MAMLD1: variants seen among roughly 807,000 people sequenced by gnomAD.
MAMLD1 encodes the protein mastermind-like domain-containing protein 1.
A neutral mutation model predicts 45.0 loss-of-function variants in MAMLD1; 14 were observed. The ratio of observed to expected loss-of-function variants is 0.31; its 90% CI spans 0.21 to 0.49. The LOEUF (loss-of-function observed/expected upper bound fraction) is 0.49, where lower values mean the gene tolerates loss of function less well. Among genes scored for constraint, MAMLD1 ranks in the 20% least tolerant of loss-of-function variants. MAMLD1 has a pLI of 0.99. For missense variants in MAMLD1, 543 were observed against 603.6 expected, an observed-to-expected ratio of 0.90 and a Z score of 1.05; for synonymous variants, 254 against 247.8, an observed-to-expected ratio of 1.02 and a Z score of -0.24.
intron 2 of MAMLD1, among the ~76,000 whole-genome samples, chrX:150,447,147 C>T (rs1036118034): frequency 2.2e-4 from 25 of 112,641 alleles, no homozygotes; most frequent in African/African-American, 8.1e-4. Context: ...TCATTGCTTA[C>T]GTCATTTCCA....
chrX:150,452,073 G>A (rs2035683572), intron 2 of MAMLD1, among the ~76,000 whole-genome samples: 2 of 112,054 alleles, frequency 1.8e-5, no homozygotes, highest in African/African-American at 6.5e-5. Context: ...TAAATGCTCA[G>A]TAAGATGCAG....
intron 1 of MAMLD1, among the ~76,000 whole-genome samples, chrX:150,429,768 C>T (rs1557403956): frequency 9.0e-6 from 1 of 110,677 alleles, no homozygotes; most frequent in Non-Finnish European, 1.9e-5. Flanking sequence ...CTGATTTCCA[C>T]CAGCAGTAAA....
intron 1 of MAMLD1, among the ~76,000 whole-genome samples, chrX:150,375,409 C>T (rs782031919): frequency 8.9e-6 from 1 of 112,484 alleles, no homozygotes; most frequent in African/African-American, 3.2e-5. Context: ...TTGGAAAGCC[C>T]TTTGAACCCT....
chrX:150,485,513 A>G (rs2036958155), intron 5 of MAMLD1, among the ~76,000 whole-genome samples: 1 of 111,611 alleles, frequency 9.0e-6, no homozygotes, highest in Non-Finnish European at 1.9e-5. Context: ...TGATGCCAAT[A>G]ATTGCTTTTA....
chrX:150,393,474 G>T (rs782090639), intron 1 of MAMLD1, among the ~76,000 whole-genome samples: 1 of 112,166 alleles, frequency 8.9e-6, no homozygotes, highest in South Asian at 3.7e-4. Flanking sequence ...GAGCATGATT[G>T]TCAGATCATA....
upstream of MAMLD1, among the ~76,000 whole-genome samples, chrX:150,362,431 C>CCTCCT (rs781903483): frequency 3.2e-3 from 345 of 108,675 alleles, 1 homozygote; most frequent in African/African-American, 5.9e-3. Context: ...CTCCTTATTT[C>CCTCCT]CTCCTCTCCT....
intron 1 of MAMLD1, among the ~76,000 whole-genome samples, chrX:150,429,887 G>T (rs955391135): frequency 1.8e-5 from 2 of 110,238 alleles, no homozygotes; most frequent in South Asian, 7.6e-4. Flanking sequence ...GTTTTAAATT[G>T]CATTTCCCTA....
rs1200788824 is a variant in MAMLD1, at chrX:150,487,054, GC to G, written c.2040+13255del. Among the ~76,000 whole-genome samples, 8 of 111,896 alleles carry G rather than the reference GC, an allele frequency of 7.1e-5. No homozygotes were observed. The East Asian group carries it at 2.3e-3, about 32-fold the overall frequency. On this transcript the variant is annotated intron_variant, in intron 5 of 7. Coordinates refer to ENST00000370401, the MANE Select transcript of MAMLD1 (RefSeq NM_005491.5). ...TTCTGACTCCACAGATACAGGTGGG[GC>G]CCTGGAATTTGCATTTGTAATAGAT...
intron 1 of MAMLD1, among the ~76,000 whole-genome samples, chrX:150,377,819 T>TCACACACACACACA (rs3066915): frequency 1.6e-4 from 15 of 91,834 alleles, no homozygotes; most frequent in African/African-American, 5.6e-4. Flanking sequence ...TACCACCCCC[T>TCACACACACACACA]CACACACACA....
chrX:150,407,434 A>G (rs2034026091), intron 1 of MAMLD1, among the ~76,000 whole-genome samples: 1 of 112,662 alleles, frequency 8.9e-6, no homozygotes, highest in South Asian at 3.7e-4. Flanking sequence ...CTGAATTTCA[A>G]TTAGAGGTTA....
At chrX:150,478,106 A>G (rs781889655) in intron 5 of MAMLD1, among the ~76,000 whole-genome samples, 12 of 112,452 alleles carry the variant, frequency 1.1e-4, no homozygotes, top group Middle Eastern at 4.6e-3. Context: ...TCAGTAGGGC[A>G]TAACCTTTAA....
At chrX:150,363,120 G>C (rs947106741), upstream of MAMLD1, among the ~76,000 whole-genome samples, 151 of 113,006 alleles carry the variant, frequency 1.3e-3, no homozygotes, top group Non-Finnish European at 2.2e-3. Flanking sequence ...CGGGGTCGCG[G>C]GCAGGGCAGC....
At chrX:150,442,715 A>T (rs1316770331) in intron 1 of MAMLD1, among the ~76,000 whole-genome samples, 3 of 111,847 alleles carry the variant, frequency 2.7e-5, no homozygotes, top group African/African-American at 9.7e-5. Context: ...AAAGTCCATT[A>T]TATTTACCCA....
intron 7 of MAMLD1, 66 bp from the exon 8 acceptor site, chrX:150,511,938 G>T: frequency 3.0e-6 from 3 of 991,058 alleles, no homozygotes; most frequent in Non-Finnish European, 3.9e-6. Flanking sequence ...GCTACCCTCC[G>T]GTGGCCACAG....
chrX:150,497,115 C>T (rs1414769311), intron 5 of MAMLD1, among the ~76,000 whole-genome samples: 3 of 111,693 alleles, frequency 2.7e-5, no homozygotes, highest in African/African-American at 9.8e-5. Context: ...GGAGGAAAAA[C>T]TCCAGGAAAG....
intron 2 of MAMLD1, among the ~76,000 whole-genome samples, chrX:150,462,524 C>T (rs1364911278): frequency 1.8e-5 from 2 of 112,141 alleles, no homozygotes; most frequent in African/African-American, 6.5e-5. Flanking sequence ...TGTAGGCCGC[C>T]TTTCTCGATC....
At chrX:150,425,040 C>A (rs1053004842) in intron 1 of MAMLD1, among the ~76,000 whole-genome samples, 30 of 111,987 alleles carry the variant, frequency 2.7e-4, no homozygotes, top group African/African-American at 9.7e-4. Context: ...GATGTTTAAA[C>A]GGTTCATCCA....
At chrX:150,504,199 A>T in intron 6 of MAMLD1, 1 of 754,053 alleles carries the variant, frequency 1.3e-6, no homozygotes, top group Non-Finnish European at 1.6e-6. Flanking sequence ...GAGTCGCATC[A>T]GTGGTCATGA....
intron 5 of MAMLD1, among the ~76,000 whole-genome samples, chrX:150,477,443 G>A (rs998650129): frequency 1.8e-5 from 2 of 112,059 alleles, no homozygotes; most frequent in African/African-American, 3.2e-5. Flanking sequence ...GTGACTTGGA[G>A]AGAAAGGGCA....
Sources: gnomAD v4.1 joint callset for allele counts (sites outside exome capture counted in the v4.1 genomes callset) on GRCh38, gnomAD v4.1.1 for gene constraint, MANE v1.5 for transcripts, NCBI Gene and HGNC (gene_info 2026-07-23, HGNC 2026-07-21) for gene names.